Variants in ADIPOR2 observed in about 807,000 individuals in gnomAD.
ADIPOR2 encodes adiponectin receptor 2, also known as adiponectin receptor protein 2.
A neutral mutation model predicts 40.9 loss-of-function variants in ADIPOR2; 18 were observed. The ratio of observed to expected loss-of-function variants is 0.44; its 90% CI spans 0.30 to 0.65. The LOEUF (loss-of-function observed/expected upper bound fraction) is 0.65, where lower values mean the gene tolerates loss of function less well. Among genes scored for constraint, ADIPOR2 ranks in the 30% least tolerant of loss-of-function variants. The pLI, the probability that ADIPOR2 is intolerant of heterozygous loss-of-function variation, is 0.09. For missense variants in ADIPOR2, 283 were observed against 479.2 expected, an observed-to-expected ratio of 0.59 and a Z score of 3.82; for synonymous variants, 165 against 166.4, an observed-to-expected ratio of 0.99 and a Z score of 0.06.
At chr12:1,706,699 T>C (rs780700159) in intron 1 of ADIPOR2, among the ~76,000 whole-genome samples, 29 of 152,334 alleles carry the variant, frequency 1.9e-4, no homozygotes, top group Middle Eastern at 3.4e-3. Context: ...ACCATCACCC[T>C]AATCAAGGTA....
At chr12:1,718,237 A>T (rs923278499) in intron 1 of ADIPOR2, among the ~76,000 whole-genome samples, 2 of 152,136 alleles carry the variant, frequency 1.3e-5, no homozygotes, top group African/African-American at 4.8e-5. Context: ...CTGTGATGGT[A>T]TAAAGTGACT....
chr12:1,727,908 G>T (rs368854388), intron 1 of ADIPOR2, among the ~76,000 whole-genome samples: 4 of 151,810 alleles, frequency 2.6e-5, no homozygotes, highest in African/African-American at 9.7e-5. Context: ...AACTGAGGAG[G>T]TTTAGGAATT....
At chr12:1,748,074 T>C (rs1760948912) in intron 1 of ADIPOR2, among the ~76,000 whole-genome samples, 1 of 152,132 alleles carries the variant, frequency 6.6e-6, no homozygotes, top group Non-Finnish European at 1.5e-5. Context: ...GTGTCCCACA[T>C]AGCTCTAAGA....
intron 1 of ADIPOR2, among the ~76,000 whole-genome samples, chr12:1,748,573 C>G (rs1592608868): frequency 1.3e-5 from 2 of 152,004 alleles, no homozygotes; most frequent in East Asian, 3.9e-4. Flanking sequence ...AGTCTATGAT[C>G]CATTTTGAGT....
intron 6 of ADIPOR2, 113 bp from the exon 7 acceptor site, chr12:1,783,767 T>C: frequency 1.1e-6 from 1 of 900,646 alleles, no homozygotes; most frequent in Non-Finnish European, 1.6e-6. Context: ...GCTAATTTTA[T>C]ATGCTACTTT....
At chr12:1,766,242 A>C (rs888721127) in intron 2 of ADIPOR2, among the ~76,000 whole-genome samples, 1 of 152,210 alleles carries the variant, frequency 6.6e-6, no homozygotes. Context: ...GAAGATTCAG[A>C]AGCAGATGTA....
At chr12:1,724,921 TG>T (rs1592589976) in intron 1 of ADIPOR2, among the ~76,000 whole-genome samples, 1 of 152,122 alleles carries the variant, frequency 6.6e-6, no homozygotes, top group Admixed American at 6.6e-5. Flanking sequence ...TAACAGATAA[TG>T]ACTGAACAAC....
chr12:1,726,234 G>A (rs1049405943), intron 1 of ADIPOR2, among the ~76,000 whole-genome samples: 19 of 151,942 alleles, frequency 1.3e-4, no homozygotes, highest in African/African-American at 4.6e-4. Context: ...TTTCATTCTT[G>A]TCACCCAGGC....
intron 1 of ADIPOR2, among the ~76,000 whole-genome samples, chr12:1,727,438 A>G (rs913802174): frequency 1.3e-5 from 2 of 152,230 alleles, no homozygotes; most frequent in Admixed American, 6.5e-5. Flanking sequence ...TAAGCATTGC[A>G]TGTATAATCA....
chr12:1,764,075 C>T (rs778191534), intron 2 of ADIPOR2, among the ~76,000 whole-genome samples: 1 of 152,116 alleles, frequency 6.6e-6, no homozygotes, highest in Non-Finnish European at 1.5e-5. Flanking sequence ...AGTTTTAGTC[C>T]TGGCTGTACT....
intron 1 of ADIPOR2, among the ~76,000 whole-genome samples, chr12:1,749,826 T>C (rs1047838287): frequency 1.4e-5 from 2 of 144,436 alleles, no homozygotes; most frequent in Admixed American, 7.6e-5. Context: ...TATTGCTATT[T>C]GTTTAGTTTT....
intron 1 of ADIPOR2, among the ~76,000 whole-genome samples, chr12:1,742,842 A>G (rs2094745897): frequency 6.6e-6 from 1 of 152,218 alleles, no homozygotes; most frequent in South Asian, 2.1e-4. Context: ...CCATTGATAT[A>G]GAGGGCTGAC....
At chr12:1,722,587 G>T (rs532834578) in intron 1 of ADIPOR2, among the ~76,000 whole-genome samples, 15 of 152,254 alleles carry the variant, frequency 9.9e-5, no homozygotes, top group Middle Eastern at 3.4e-3. Context: ...AGAATATGAA[G>T]TTGGGGAATG....
chr12:1,731,879 G>A (rs188849755), intron 1 of ADIPOR2, among the ~76,000 whole-genome samples: 6 of 152,284 alleles, frequency 3.9e-5, no homozygotes, highest in Non-Finnish European at 8.8e-5. Flanking sequence ...CAGGAGAATC[G>A]CGGGAACCCG....
In ADIPOR2 at chr12:1,785,939, T is replaced by G; in HGVS notation, c.1033-5T>G. On this transcript the variant is annotated splice_region_variant and splice_polypyrimidine_tract_variant and intron_variant, in intron 7 of 7. Transcript: ENST00000357103. ...TACCCCCTTCTCTTCTTTTTTCCCC[T>G]CCAGTTTCACTCTCATCAGCTGTTT... 2 of 1,613,664 alleles carry G rather than the reference T, an allele frequency of 1.2e-6. No individual in the cohort carries two copies. The highest frequency in any genetic ancestry group is 8.5e-7 in the Non-Finnish European group (1 of 1,179,854).
rs564192436 is a variant in ADIPOR2, at chr12:1,734,991, A to G, written c.-86-19267A>G. On this transcript the variant is annotated intron_variant, in intron 1 of 7. Transcript: ENST00000357103. Reference sequence around the variant, plus strand: ...GTACCAGTACCATGCTGTTTTGGTTACTGTAGCCTTGTAGTACAGTTTGAA... The same window carrying G: ...GTACCAGTACCATGCTGTTTTGGTTGCTGTAGCCTTGTAGTACAGTTTGAA... Among the ~76,000 whole-genome samples, 10 of 152,282 alleles carry G rather than the reference A, an allele frequency of 6.6e-5. No homozygotes were observed. The East Asian group carries it at 1.9e-3, about 29-fold the overall frequency.
chr12:1,767,304 G>A (rs917285709), intron 2 of ADIPOR2, among the ~76,000 whole-genome samples: 3 of 147,936 alleles, frequency 2.0e-5, no homozygotes, highest in Admixed American at 2.0e-4. Context: ...AGATAGAATT[G>A]CTATTTGAGA....
At chr12:1,757,762 C>G in intron 2 of ADIPOR2, 1 of 1,123,460 alleles carries the variant, frequency 8.9e-7, no homozygotes, top group East Asian at 2.4e-5. Flanking sequence ...ATCCATGAAT[C>G]CAGCAGGGTA....
chr12:1,701,879 T>C (rs985685831), intron 1 of ADIPOR2, among the ~76,000 whole-genome samples: 4 of 152,186 alleles, frequency 2.6e-5, no homozygotes, highest in African/African-American at 7.2e-5. Context: ...ATCAGCACTT[T>C]GGGAGGCTGA....
Sources: allele counts gnomAD v4.1 joint callset (sites outside exome capture counted in the v4.1 genomes callset), GRCh38; gene constraint gnomAD v4.1.1; transcripts MANE v1.5; gene names NCBI Gene and HGNC (gene_info 2026-07-23, HGNC 2026-07-21).